The following DIAPH3 variants were observed in gnomAD, a reference collection of about 807,000 sequenced individuals.
The protein encoded by DIAPH3 is protein diaphanous homolog 3.
A neutral mutation model predicts 144.3 loss-of-function variants in DIAPH3; 117 were observed. The observed-to-expected ratio is 0.81, with a 90% CI of 0.70 to 0.95. The LOEUF is 0.95. DIAPH3 is among the 40% of genes least tolerant of loss of function. The probability of loss-of-function intolerance (pLI) is 0.00; values close to 1 mark genes in which losing one functional copy is unlikely to be tolerated. For synonymous variants in DIAPH3, 519 were observed against 488.9 expected (o/e 1.06, Z -0.81); for missense variants, 1,421 against 1,412.7 (o/e 1.01, Z -0.09).
chr13:59,928,179 GATT>G (rs1320427955), intron 17 of DIAPH3, among the ~76,000 whole-genome samples: 3 of 151,984 alleles, frequency 2.0e-5, no homozygotes, highest in African/African-American at 7.2e-5. Context: ...TGAAGGTCTT[GATT>G]ATATTTTTTA....
chr13:60,154,648 C>A (rs1288896991), intron 1 of DIAPH3, among the ~76,000 whole-genome samples: 1 of 152,102 alleles, frequency 6.6e-6, no homozygotes, highest in East Asian at 1.9e-4. Flanking sequence ...AAAAATTACT[C>A]CCAATGGTAA....
intron 22 of DIAPH3, among the ~76,000 whole-genome samples, chr13:59,843,551 C>A (rs1273290095): frequency 6.6e-6 from 1 of 152,212 alleles, no homozygotes; most frequent in African/African-American, 2.4e-5. Flanking sequence ...AGAAGGATCT[C>A]ACCGCGTATT....
intron 1 of DIAPH3, among the ~76,000 whole-genome samples, chr13:60,142,899 C>T (rs1450781377): frequency 6.6e-6 from 1 of 151,288 alleles, no homozygotes; most frequent in Non-Finnish European, 1.5e-5. Flanking sequence ...AAGAGCACAC[C>T]ACCATGCCCC....
chr13:59,741,408 C>T (rs150113048), intron 27 of DIAPH3, among the ~76,000 whole-genome samples: 2,190 of 152,172 alleles, frequency 0.014, 24 homozygotes, highest in Admixed American at 0.021. Context: ...TACAGATTTA[C>T]GTGTATCTCA....
chr13:59,880,640 C>G (rs1330581891), intron 20 of DIAPH3, among the ~76,000 whole-genome samples: 1 of 151,990 alleles, frequency 6.6e-6, no homozygotes, highest in African/African-American at 2.4e-5. Flanking sequence ...ATTATAGACA[C>G]TGCCTTAATG....
At chr13:60,153,967 A>C (rs887513948) in intron 1 of DIAPH3, among the ~76,000 whole-genome samples, 10 of 152,098 alleles carry the variant, frequency 6.6e-5, no homozygotes, top group Non-Finnish European at 1.3e-4. Flanking sequence ...ACAGGCCCCT[A>C]AGAAAGCTTC....
intron 27 of DIAPH3, among the ~76,000 whole-genome samples, chr13:59,679,989 G>A (rs551528206): frequency 6.6e-6 from 1 of 152,208 alleles, no homozygotes; most frequent in Non-Finnish European, 1.5e-5. Flanking sequence ...AGTAAATGTA[G>A]CATCTGTTAG....
intron 5 of DIAPH3, among the ~76,000 whole-genome samples, chr13:60,032,962 G>A (rs2054916425): frequency 6.6e-6 from 1 of 152,192 alleles, no homozygotes; most frequent in African/African-American, 2.4e-5. Flanking sequence ...GCCACATCTT[G>A]AATGCTTTGG....
chr13:59,952,718 T>C (rs888424088), intron 17 of DIAPH3, among the ~76,000 whole-genome samples: 2 of 152,182 alleles, frequency 1.3e-5, no homozygotes, highest in Non-Finnish European at 2.9e-5. Flanking sequence ...GCAGAGTTAA[T>C]TGGAATCTAG....
chr13:59,946,471 T>C (rs558785610), intron 17 of DIAPH3, among the ~76,000 whole-genome samples: 3 of 152,270 alleles, frequency 2.0e-5, no homozygotes, highest in South Asian at 4.1e-4. Flanking sequence ...GTATTTGAAG[T>C]TTATGCTCAA....
intron 27 of DIAPH3, among the ~76,000 whole-genome samples, chr13:59,741,823 A>G (rs4886191): frequency 0.34 from 52,080 of 151,826 alleles, 9,367 homozygotes; most frequent in African/African-American, 0.44. Flanking sequence ...TCAAAATGAC[A>G]TAGGGGGTAA....
At chr13:59,686,070 G>C (rs1223693740) in intron 27 of DIAPH3, among the ~76,000 whole-genome samples, 1 of 152,044 alleles carries the variant, frequency 6.6e-6, no homozygotes, top group East Asian at 1.9e-4. Context: ...AAAATACTTT[G>C]TGATCTATAA....
chr13:59,716,819 T>C (rs1004689711), intron 27 of DIAPH3, among the ~76,000 whole-genome samples: 3 of 152,186 alleles, frequency 2.0e-5, no homozygotes, highest in Non-Finnish European at 2.9e-5. Context: ...TTAAAATATA[T>C]CACTCATTAA....
chr13:59,767,983 C>T lies in DIAPH3; in HGVS notation c.3319+6206G>A, dbSNP rs1381613227. Among the ~76,000 whole-genome samples the T allele has an allele frequency of 2.6e-5, 4 of 152,194 alleles. No homozygotes were observed. In the East Asian group the frequency reaches 7.7e-4, roughly 29 times the overall value. ...AGATAAGAAAAGCCTTTCCTGTCTA[C>T]CCACAGGGCATCCTTACCTAGGCAG... On this transcript the variant is annotated intron_variant, in intron 27 of 27. Coordinates refer to ENST00000400324, the MANE Select transcript of DIAPH3 (RefSeq NM_001042517.2).
chr13:59,965,983 T>C (rs1307205479), intron 17 of DIAPH3, among the ~76,000 whole-genome samples: 4 of 152,196 alleles, frequency 2.6e-5, no homozygotes, highest in South Asian at 2.1e-4. Context: ...AAAGTGCTTA[T>C]ATACATTTCC....
At chr13:59,833,592 A>T (rs553785538) in intron 23 of DIAPH3, among the ~76,000 whole-genome samples, 9 of 151,960 alleles carry the variant, frequency 5.9e-5, no homozygotes, top group African/African-American at 1.9e-4. Flanking sequence ...ATTTAAAATT[A>T]TAGTTCAGTA....
intron 25 of DIAPH3, among the ~76,000 whole-genome samples, chr13:59,802,664 A>ATGATTTTTTTT (rs2039980107): frequency 3.1e-5 from 1 of 32,538 alleles, no homozygotes; most frequent in African/African-American, 1.1e-4. Flanking sequence ...TATTATTATT[A>ATGATTTTTTTT]TTATTTTTTT....
chr13:59,829,567 T>C (rs1382993143), intron 24 of DIAPH3, among the ~76,000 whole-genome samples: 1 of 151,914 alleles, frequency 6.6e-6, no homozygotes, highest in East Asian at 1.9e-4. Context: ...TGGGTAAATA[T>C]AGCTCCAGAC....
At chr13:60,090,562 T>C (rs903311283) in intron 4 of DIAPH3, among the ~76,000 whole-genome samples, 3 of 152,188 alleles carry the variant, frequency 2.0e-5, no homozygotes, top group Non-Finnish European at 4.4e-5. Flanking sequence ...AACAAAAGTA[T>C]ATCTTTTTTA....
Sources: gnomAD v4.1 joint callset for allele counts (sites outside exome capture counted in the v4.1 genomes callset) on GRCh38, gnomAD v4.1.1 for gene constraint, MANE v1.5 for transcripts, NCBI Gene and HGNC (gene_info 2026-07-23, HGNC 2026-07-21) for gene names.